RP1L1: variants seen among roughly 807,000 people sequenced by gnomAD.
The protein encoded by RP1L1 is retinitis pigmentosa 1-like 1 protein.
RP1L1 carries 27 observed loss-of-function variants against 15.7 expected under a neutral mutation model. That is an observed-to-expected ratio of 1.72 (90% CI 1.27 to 2.38). RP1L1 has a LOEUF of 2.38. Ranked by LOEUF, RP1L1 falls within the 30% of genes most tolerant of loss-of-function variation. The probability of loss-of-function intolerance (pLI) is 0.00; values close to 1 mark genes in which losing one functional copy is unlikely to be tolerated. For missense variants in RP1L1, 4,798 were observed against 3,075.9 expected, an observed-to-expected ratio of 1.56 and a Z score of -13.24; for synonymous variants, 1,813 against 1,276.7, an observed-to-expected ratio of 1.42 and a Z score of -8.96.
chr8:10,606,981 G>T lies in RP1L1; in HGVS notation c.7117C>A (p.Gln2373Lys). The T allele has an allele frequency of 6.2e-7, 1 of 1,614,242 alleles. No homozygotes were observed. The highest frequency in any genetic ancestry group is 8.5e-7 in the Non-Finnish European group (1 of 1,180,046). The change falls in exon 4 of 4, where the codon CAA becomes AAA. Residue 2373 changes from glutamine to lysine, a missense_variant. Coordinates refer to ENST00000382483, the MANE Select transcript of RP1L1 (RefSeq NM_178857.6). ...EQGASEGYDLQEDQALGSLAP... is the reference protein window; with the variant it reads ...EQGASEGYDLKEDQALGSLAP... Reference sequence around the variant, plus strand: ...AGACTTCCGAGTGCCTGGTCCTCTTGTAGGTCATAACCTTCACTGGCCCCC... The same window carrying T: ...AGACTTCCGAGTGCCTGGTCCTCTTTTAGGTCATAACCTTCACTGGCCCCC...
rs1797884656 is a variant in RP1L1, at chr8:10,612,553, T to G, written c.1545A>C (p.Pro515=). Residue 515 remains proline (P), a synonymous_variant, in exon 4 of 4, where the codon CCA becomes CCC. Coordinates refer to ENST00000382483, the MANE Select transcript of RP1L1 (RefSeq NM_178857.6). Reference sequence around the variant, plus strand: ...TCGGTGTCAGGCGGCCGCCTTGCTCTGGGCCGCCCAGCCCTGCTCCATCTA... The same window carrying G: ...TCGGTGTCAGGCGGCCGCCTTGCTCGGGGCCGCCCAGCCCTGCTCCATCTA... The part of the protein sequence containing the change: ...LCIDGAGLGG[P]EQGGRLTPRA... 1.2e-6 allele frequency: 2 copies of G among 1,609,064 alleles called. No homozygotes were observed. Among genetic ancestry groups the G allele is most frequent in the Non-Finnish European group, 8.5e-7 (1 of 1,179,494 alleles).
Position 10,608,664 on chromosome 8 carries a change from C to T in RP1L1, c.5434G>A (p.Asp1812Asn). ...GCCGCAGCTTCACCCTGCAAGTTGT[C>T]CTCATGCCCAGAGCCTTGACCCCCA... ...ETGGQGSGHE[D>N]NLQGEAAAGG... is the part of the protein sequence containing the mutation. Residue 1812 changes from aspartate (D) to asparagine (N), a missense_variant, in exon 4 of 4, where the codon GAC (aspartate) becomes AAC (asparagine). Coordinates refer to ENST00000382483, the MANE Select transcript of RP1L1 (RefSeq NM_178857.6). 1 of 1,614,206 alleles carries T rather than the reference C, an allele frequency of 6.2e-7. No homozygotes were observed. Among genetic ancestry groups the T allele is most frequent in the Non-Finnish European group, 8.5e-7 (1 of 1,180,042 alleles).
In RP1L1 at chr8:10,611,769, G is replaced by T. The variant is rs1161577107; in HGVS notation, c.2329C>A (p.Pro777Thr). Reference protein sequence around the residue: ...GSRTCSPAPIPPHTSDSCSKS... With the variant: ...GSRTCSPAPITPHTSDSCSKS... ...GAGCAGGAGTCGGATGTGTGGGGAGGTATGGGGGCCGGCGAGCATGTCCTG... is the reference window on the plus strand; with the variant it reads ...GAGCAGGAGTCGGATGTGTGGGGAGTTATGGGGGCCGGCGAGCATGTCCTG... Residue 777 changes from proline (P) to threonine (T), a missense_variant, in exon 4 of 4, where the codon CCT becomes ACT. Coordinates refer to ENST00000382483, the MANE Select transcript of RP1L1 (RefSeq NM_178857.6). 3 of 1,613,674 alleles carry T rather than the reference G, an allele frequency of 1.9e-6. No individual in the cohort carries two copies. Among genetic ancestry groups the T allele is most frequent in the Middle Eastern group, 1.6e-4 (1 of 6,062 alleles).
intron 3 of RP1L1, 29 bp from the exon 4 acceptor site, chr8:10,613,375 GAAGAA>G: frequency 6.3e-7 from 1 of 1,598,882 alleles, no homozygotes; most frequent in Non-Finnish European, 8.5e-7. Flanking sequence ...GAAAAGAAAA[GAAGAA>G]AAGACTGTGA....
intron 2 of RP1L1, among the ~76,000 whole-genome samples, chr8:10,618,111 T>C (rs916347037): frequency 1.3e-5 from 2 of 152,240 alleles, no homozygotes; most frequent in Non-Finnish European, 2.9e-5. Flanking sequence ...TTTCCAAGCA[T>C]TGATGTTGGC....
rs372214761 is a variant in RP1L1 at position 10,607,042 on chromosome 8, T to C, written c.7056A>G (p.Gln2352=). The change falls in exon 4 of 4, where the codon CAA becomes CAG. Residue 2352 remains glutamine (Q), a synonymous_variant. Coordinates refer to ENST00000382483, the MANE Select transcript of RP1L1 (RefSeq NM_178857.6). ...RMYPESSTSE[Q]EEAPLGSRTP... ...TCCTTGAGCCCAAAGGGGCCTCTTCTTGCTCAGAAGTAGAACTTTCTGGGT... is the reference window on the plus strand; with the variant it reads ...TCCTTGAGCCCAAAGGGGCCTCTTCCTGCTCAGAAGTAGAACTTTCTGGGT... The C allele has an allele frequency of 2.5e-6, 4 of 1,614,200 alleles. No homozygotes were observed.
At chr8:10,617,270 G>C (rs974859780) in intron 2 of RP1L1, among the ~76,000 whole-genome samples, 2 of 152,060 alleles carry the variant, frequency 1.3e-5, no homozygotes, top group Non-Finnish European at 2.9e-5. Flanking sequence ...CTGCAGATCT[G>C]AGGGTTTGCA....
Position 10,607,427 on chromosome 8 carries a change from T to C in RP1L1, c.6671A>G (p.Glu2224Gly). ...APEAEEEAQP[E>G]PEGVETPEAE... is the part of the protein sequence containing the mutation. Reference sequence around the variant, plus strand: ...CTCCGGGGTCTCTACGCCTTCTGGCTCTGGCTGGGCCTCCTCTTCAGCCTC... The same window carrying C: ...CTCCGGGGTCTCTACGCCTTCTGGCCCTGGCTGGGCCTCCTCTTCAGCCTC... The change falls in exon 4 of 4, where the codon GAG becomes GGG. Residue 2224 changes from glutamate to glycine, a missense_variant. Physicochemically the swap from Glu to Gly is moderately conservative, Grantham distance 98. Coordinates refer to ENST00000382483, the MANE Select transcript of RP1L1 (RefSeq NM_178857.6). The C allele has an allele frequency of 1.9e-6, 3 of 1,613,808 alleles. No individual in the cohort carries two copies. The highest frequency in any genetic ancestry group is 2.5e-6 in the Non-Finnish European group (3 of 1,179,938).
chr8:10,613,486 G>C, intron 3 of RP1L1, 140 bp from the exon 4 acceptor site: 2 of 1,271,272 alleles, frequency 1.6e-6, no homozygotes, highest in East Asian at 2.5e-5. Flanking sequence ...GGTGACAGCT[G>C]TGCGCGGTGG....
At chr8:10,635,100 G>C (rs898935522) in intron 1 of RP1L1, among the ~76,000 whole-genome samples, 5 of 152,314 alleles carry the variant, frequency 3.3e-5, no homozygotes, top group Non-Finnish European at 5.9e-5. Context: ...GAACCGGGGA[G>C]GGAACAGGTA....
Position 10,607,072 on chromosome 8 carries a change from C to G in RP1L1, c.7026G>C (p.Arg2342Ser). The G allele has an allele frequency of 6.2e-7, 1 of 1,614,220 alleles. No homozygotes were observed. The highest frequency in any genetic ancestry group is 8.5e-7 in the Non-Finnish European group (1 of 1,180,036). The change falls in exon 4 of 4, where the codon AGG (arginine) becomes AGC (serine). Residue 2342 changes from arginine to serine, a missense_variant. Coordinates refer to ENST00000382483, the MANE Select transcript of RP1L1 (RefSeq NM_178857.6). ...GTPHAERKAT[R>S]MYPESSTSEQ... Reference sequence around the variant, plus strand: ...CAGAAGTAGAACTTTCTGGGTACATCCTGGTGGCCTTCCTCTCTGCATGAG... The same window carrying G: ...CAGAAGTAGAACTTTCTGGGTACATGCTGGTGGCCTTCCTCTCTGCATGAG...
At chr8:10,651,893 A>C (rs1324725108) in intron 1 of RP1L1, among the ~76,000 whole-genome samples, 1 of 152,128 alleles carries the variant, frequency 6.6e-6, no homozygotes, top group Non-Finnish European at 1.5e-5. Context: ...ACAGTGCCCC[A>C]TGAGATGATC....
chr8:10,612,903 C>G lies in RP1L1; in HGVS notation c.1195G>C (p.Gly399Arg), dbSNP rs374843101. 1 of 1,612,840 alleles carries G rather than the reference C, an allele frequency of 6.2e-7. No individual in the cohort carries two copies. ...VGCREVFGRG[G>R]QPGPKYEIWT... ...ATTTCATACTTGGGCCCTGGCTGCC[C>G]GCCTCGGCCAAAGACTTCCCTGCAT... The change falls in exon 4 of 4, where the codon GGG becomes CGG. Residue 399 changes from glycine (G) to arginine (R), a missense_variant. Physicochemically the swap from Gly to Arg is moderately radical, Grantham distance 125 (BLOSUM62 -2). Transcript: ENST00000382483.
At position 10,612,982 on chromosome 8, in the gene RP1L1, G is replaced by A. The variant is rs762864173; in HGVS notation, c.1116C>T (p.Tyr372=). 5 of 1,613,234 alleles carry A rather than the reference G, an allele frequency of 3.1e-6. No homozygotes were observed. Among genetic ancestry groups the A allele is most frequent in the South Asian group, 1.1e-5 (1 of 91,082 alleles). ...CCCCAGGCTCTGAGAAGCCCCAAGG[G>A]TAGCCCTCCCACACACAGCAGAGGG... ...VDPLCCVWEG[Y]PWGFSEPGVW... Residue 372 remains tyrosine (Y), a synonymous_variant, in exon 4 of 4, where the codon TAC becomes TAT. Transcript: ENST00000382483.
At chr8:10,636,017 A>T (rs1798324103) in intron 1 of RP1L1, among the ~76,000 whole-genome samples, 1 of 152,206 alleles carries the variant, frequency 6.6e-6, no homozygotes, top group Non-Finnish European at 1.5e-5. Flanking sequence ...TCTGCCACAG[A>T]TTCCATCATT....
At position 10,609,139 on chromosome 8, in the gene RP1L1, C is replaced by A; in HGVS notation, c.4959G>T (p.Gly1653=). The A allele has an allele frequency of 4.3e-6, 7 of 1,613,548 alleles. No homozygotes were observed. The highest frequency in any genetic ancestry group is 5.9e-6 in the Non-Finnish European group (7 of 1,179,830). The part of the protein sequence containing the change: ...LGSQLGEEAE[G]EEFCPCEACV... ...AGGCCTCGCAGGGACAGAACTCCTC[C>A]CCCTCCGCCTCCTCGCCCAGCTGGC... is the stretch of plus-strand genomic sequence containing the variant. Residue 1653 remains glycine (G), a synonymous_variant, in exon 4 of 4, where the codon GGG becomes GGT. Transcript: ENST00000382483.
intron 1 of RP1L1, among the ~76,000 whole-genome samples, chr8:10,637,331 C>G (rs868322227): frequency 6.6e-6 from 1 of 152,224 alleles, no homozygotes; most frequent in African/African-American, 2.4e-5. Context: ...ATCAAATGCA[C>G]CACAATTAAG....
In RP1L1 at chr8:10,613,353, C is replaced by T. The variant is rs377280929; in HGVS notation, c.752-7G>A. 260 of 1,599,398 alleles carry T rather than the reference C, an allele frequency of 1.6e-4. No individual in the cohort carries two copies. The highest frequency in any genetic ancestry group is 1.9e-4 in the Non-Finnish European group (227 of 1,179,896). ...GTCTTTGGCCCCCAGCTCCCTGGCA[C>T]GCAGTGAAGAGGAAAAGAAAAGAAG... is the stretch of plus-strand genomic sequence containing the variant. On this transcript the variant is annotated splice_region_variant and splice_polypyrimidine_tract_variant and intron_variant, in intron 3 of 3. Coordinates refer to ENST00000382483, the MANE Select transcript of RP1L1 (RefSeq NM_178857.6).
intron 1 of RP1L1, among the ~76,000 whole-genome samples, chr8:10,632,326 C>T (rs11778453): frequency 6.6e-6 from 1 of 152,062 alleles, no homozygotes; most frequent in South Asian, 2.1e-4. Flanking sequence ...TTTTCCTCAG[C>T]CTTTTCTCCT....
Sources: allele counts gnomAD v4.1 joint callset (sites outside exome capture counted in the v4.1 genomes callset), GRCh38; gene constraint gnomAD v4.1.1; transcripts MANE v1.5; gene names NCBI Gene and HGNC (gene_info 2026-07-23, HGNC 2026-07-21).